Variants in CFTR observed in about 807,000 individuals in gnomAD.
The protein encoded by CFTR is CF transmembrane conductance regulator, also known as cystic fibrosis transmembrane conductance regulator.
Under a neutral mutation model 171.6 loss-of-function variants are expected in CFTR, and 181 were observed. The ratio of observed to expected loss-of-function variants is 1.05; its 90% CI spans 0.93 to 1.19. The LOEUF is 1.19. CFTR is among the 50% of genes most tolerant of loss of function. The pLI is 0.00. For synonymous variants in CFTR, 583 were observed against 608.0 expected (o/e 0.96, Z 0.60); for missense variants, 1,968 against 1,734.7 (o/e 1.13, Z -2.39).
At chr7:117,522,425 G>A (rs1798698898) in intron 3 of CFTR, among the ~76,000 whole-genome samples, 1 of 152,180 alleles carries the variant, frequency 6.6e-6, no homozygotes, top group African/African-American at 2.4e-5. Flanking sequence ...TGTAGGTAAT[G>A]TGCTGGATAA....
At chr7:117,541,817 T>C (rs1443563162) in intron 8 of CFTR, among the ~76,000 whole-genome samples, 199 bp from the exon 9 acceptor site, 1 of 152,170 alleles carries the variant, frequency 6.6e-6, no homozygotes, top group Non-Finnish European at 1.5e-5. Context: ...TTAGAGAGTA[T>C]ATTTCAAATA....
intron 11 of CFTR, among the ~76,000 whole-genome samples, chr7:117,565,293 A>G (rs946154451): frequency 3.3e-5 from 5 of 152,300 alleles, no homozygotes; most frequent in African/African-American, 1.2e-4. Context: ...TTATAATTGT[A>G]TTTTGTTATT....
At chr7:117,655,249 G>C (rs1330408517) in intron 24 of CFTR, among the ~76,000 whole-genome samples, 1 of 152,142 alleles carries the variant, frequency 6.6e-6, no homozygotes, top group African/African-American at 2.4e-5. Context: ...GAGCAGTCAA[G>C]AGTAACTAAG....
intron 6 of CFTR, among the ~76,000 whole-genome samples, chr7:117,536,178 T>G (rs1798952043): frequency 6.6e-6 from 1 of 152,218 alleles, no homozygotes; most frequent in African/African-American, 2.4e-5. Context: ...AGAAAGTATC[T>G]AAGTTTTGGA....
At chr7:117,570,770 T>C (rs1273298086) in intron 11 of CFTR, among the ~76,000 whole-genome samples, 6 of 152,218 alleles carry the variant, frequency 3.9e-5, no homozygotes, top group Non-Finnish European at 7.3e-5. Flanking sequence ...TTAATTATGG[T>C]GTAGCAGTAT....
Position 117,610,563 on chromosome 7 carries a change from A to G in CFTR, c.3033A>G (p.Leu1011=), listed in dbSNP as rs773752573. The G allele has an allele frequency of 4.3e-6, 7 of 1,613,476 alleles. No individual in the cohort carries two copies. The African/African-American group carries it at 8.0e-5, about 18-fold the overall frequency. ...GAGCTATAGCAGTTGTCGCAGTTTT[A>G]CAACCCTACATCTTTGTTGCAACAG... The part of the protein sequence containing the change: ...VIGAIAVVAV[L]QPYIFVATVP... Residue 1011 remains leucine (L), a synonymous_variant, in exon 19 of 27, where the codon TTA becomes TTG. Coordinates refer to ENST00000003084, the MANE Select transcript of CFTR (RefSeq NM_000492.4).
chr7:117,578,533 A>G (rs1161589599), intron 11 of CFTR, among the ~76,000 whole-genome samples: 2 of 152,170 alleles, frequency 1.3e-5, no homozygotes, highest in Non-Finnish European at 2.9e-5. Context: ...GTTCGACTGC[A>G]TGGGGAGTCA....
At chr7:117,638,862 G>A (rs1792870075) in intron 22 of CFTR, among the ~76,000 whole-genome samples, 1 of 152,042 alleles carries the variant, frequency 6.6e-6, no homozygotes, top group South Asian at 2.1e-4. Context: ...ACTTATAACA[G>A]CATCTCGCAA....
intron 24 of CFTR, among the ~76,000 whole-genome samples, chr7:117,662,558 G>C (rs1441292343): frequency 6.6e-6 from 1 of 152,188 alleles, no homozygotes; most frequent in Non-Finnish European, 1.5e-5. Flanking sequence ...CCATTTGGAT[G>C]CCTCATACAC....
intron 15 of CFTR, among the ~76,000 whole-genome samples, chr7:117,597,256 C>T (rs935773958): frequency 2.0e-5 from 3 of 152,162 alleles, no homozygotes; most frequent in Non-Finnish European, 4.4e-5. Context: ...GAAAGAAACT[C>T]CTAACACATC....
chr7:117,624,462 G>A (rs1792622823), intron 21 of CFTR, among the ~76,000 whole-genome samples: 1 of 152,152 alleles, frequency 6.6e-6, no homozygotes, highest in Admixed American at 6.5e-5. Context: ...TCTGTGCATA[G>A]ACATTCCAAG....
At chr7:117,581,186 C>A (rs902885611) in intron 11 of CFTR, among the ~76,000 whole-genome samples, 1 of 152,100 alleles carries the variant, frequency 6.6e-6, no homozygotes, top group Non-Finnish European at 1.5e-5. Context: ...TGACCTCACC[C>A]TTAAGAATCC....
Position 117,518,691 on chromosome 7 carries a change from G to A in CFTR, c.273+9549G>A, listed in dbSNP as rs568263762. ...AGTGATCCTACTGCTTTGGACTCCC[G>A]AAGTGCTGGGATTTCAGACATGAGA... On this transcript the variant is annotated intron_variant, in intron 3 of 26. Coordinates refer to ENST00000003084, the MANE Select transcript of CFTR (RefSeq NM_000492.4). Among the ~76,000 whole-genome samples, 147 of 151,228 alleles carry A rather than the reference G, an allele frequency of 9.7e-4. 2 individuals carry two copies. Among genetic ancestry groups the A allele is most frequent in the Admixed American group, 9.2e-3 (139 of 15,152 alleles).
intron 23 of CFTR, among the ~76,000 whole-genome samples, chr7:117,649,211 T>G (rs987040792): frequency 6.6e-6 from 1 of 151,552 alleles, no homozygotes; most frequent in Non-Finnish European, 1.5e-5. Context: ...GGGTTGTTAG[T>G]ATTATTTCTT....
intron 15 of CFTR, among the ~76,000 whole-genome samples, chr7:117,596,776 G>T (rs556766922): frequency 1.3e-5 from 2 of 152,192 alleles, no homozygotes; most frequent in African/African-American, 4.8e-5. Context: ...TCTAGCTAAG[G>T]GATTGTAAAT....
intron 20 of CFTR, among the ~76,000 whole-genome samples, chr7:117,612,021 A>ATATATG (rs1197151233): frequency 1.5e-4 from 8 of 52,392 alleles, no homozygotes; most frequent in African/African-American, 5.8e-4. Flanking sequence ...ATATATATAT[A>ATATATG]TGTATATATA....
intron 23 of CFTR, among the ~76,000 whole-genome samples, chr7:117,645,799 A>G (rs1792988735): frequency 1.3e-5 from 2 of 152,028 alleles, no homozygotes; most frequent in Admixed American, 1.3e-4. Context: ...TATTTGTTTA[A>G]TTTCCACTTA....
At chr7:117,629,514 G>A (rs1349078177) in intron 22 of CFTR, among the ~76,000 whole-genome samples, 1 of 152,178 alleles carries the variant, frequency 6.6e-6, no homozygotes, top group Non-Finnish European at 1.5e-5. Flanking sequence ...GTGGGGACAA[G>A]GAGACAGAAT....
chr7:117,588,122 A>T (rs1791973059), intron 12 of CFTR, among the ~76,000 whole-genome samples: 1 of 152,118 alleles, frequency 6.6e-6, no homozygotes, highest in Admixed American at 6.6e-5. Context: ...AGGATTCTGC[A>T]TAATACTGGA....
Sources: allele counts gnomAD v4.1 joint callset (sites outside exome capture counted in the v4.1 genomes callset), GRCh38; gene constraint gnomAD v4.1.1; transcripts MANE v1.5; gene names NCBI Gene and HGNC (gene_info 2026-07-23, HGNC 2026-07-21).